The following ERICH3 variants were observed in gnomAD, a reference collection of about 807,000 sequenced individuals.
The protein encoded by ERICH3 is glutamate rich 3.
In ERICH3, 126 loss-of-function variants were observed where a neutral mutation model predicts 131.1. The ratio of observed to expected loss-of-function variants is 0.96; its 90% CI spans 0.83 to 1.11. The LOEUF (loss-of-function observed/expected upper bound fraction) is 1.11. Ranked by LOEUF, ERICH3 falls within the 50% of genes most tolerant of loss-of-function variation. The pLI is 0.00. For synonymous variants in ERICH3, 695 were observed against 644.6 expected, an observed-to-expected ratio of 1.08 and a Z score of -1.18; for missense variants, 2,050 against 1,810.7, an observed-to-expected ratio of 1.13 and a Z score of -2.40.
At chr1:74,584,807 C>T (rs960671340) in intron 12 of ERICH3, among the ~76,000 whole-genome samples, 9 of 152,168 alleles carry the variant, frequency 5.9e-5, no homozygotes, top group Admixed American at 4.6e-4. Context: ...AGCAGATCCT[C>T]AGCAAATATT....
At chr1:74,606,987 T>G in intron 9 of ERICH3, 85 bp from the exon 10 acceptor site, 7 of 1,244,150 alleles carry the variant, frequency 5.6e-6, no homozygotes, top group African/African-American at 3.0e-5. Context: ...CACTTATCTC[T>G]TATTCCAGTA....
At chr1:74,610,692 C>T (rs966687917) in intron 9 of ERICH3, among the ~76,000 whole-genome samples, 1 of 151,876 alleles carries the variant, frequency 6.6e-6, no homozygotes, top group Non-Finnish European at 1.5e-5. Flanking sequence ...TATAGCAAAA[C>T]TCTTTTAAAA....
At chr1:74,640,838 T>G (rs902626006) in intron 5 of ERICH3, among the ~76,000 whole-genome samples, 1 of 152,028 alleles carries the variant, frequency 6.6e-6, no homozygotes, top group Admixed American at 6.6e-5. Flanking sequence ...ATGGTACCAT[T>G]GAATATGTAG....
chr1:74,618,517 G>GA (rs1184507115), intron 8 of ERICH3, among the ~76,000 whole-genome samples: 4 of 152,080 alleles, frequency 2.6e-5, no homozygotes, highest in Admixed American at 6.6e-5. Flanking sequence ...AAGAAAGCCA[G>GA]AAAAAAATTG....
chr1:74,570,963 G>A (rs1215239490), intron 14 of ERICH3, 136 bp downstream of exon 14: 13 of 1,208,842 alleles, frequency 1.1e-5, no homozygotes, highest in African/African-American at 4.6e-5. Flanking sequence ...CAGGCTTAGG[G>A]CTAAGTGACA....
intron 9 of ERICH3, among the ~76,000 whole-genome samples, chr1:74,608,011 G>A (rs1372137319): frequency 6.6e-6 from 1 of 151,824 alleles, no homozygotes; most frequent in Non-Finnish European, 1.5e-5. Flanking sequence ...GGCTTAAAAG[G>A]TTCTAGCAGC....
chr1:74,590,238 A>C (rs1018906184), intron 11 of ERICH3, among the ~76,000 whole-genome samples, 158 bp from the exon 12 acceptor site: 11 of 152,268 alleles, frequency 7.2e-5, no homozygotes, highest in African/African-American at 2.6e-4. Flanking sequence ...GTGGTCCCCA[A>C]TCTTTTTTAT....
intron 9 of ERICH3, among the ~76,000 whole-genome samples, chr1:74,611,034 C>T (rs905197060): frequency 6.6e-6 from 1 of 152,124 alleles, no homozygotes; most frequent in African/African-American, 2.4e-5. Flanking sequence ...ATCACTCAGA[C>T]ATCTTCTCTA....
rs190680406 is a variant in ERICH3 at position 74,571,938 on chromosome 1, C to T, written c.3772G>A (p.Ala1258Thr). The T allele has an allele frequency of 2.8e-5, 45 of 1,613,532 alleles. No homozygotes were observed. The East Asian group carries it at 9.1e-4, about 33-fold the overall frequency. ...ACATCCACTCCTCCTTGCCCTTCAG[C>T]TCTCCCCTCCAGTCCTGCGCAGGAG... The part of the protein sequence containing the change: ...HDSCAGLEGR[A>T]EGQGGVDVVL... Residue 1258 changes from alanine to threonine, a missense_variant, in exon 14 of 15, where the codon GCT becomes ACT. Coordinates refer to ENST00000326665, the MANE Select transcript of ERICH3 (RefSeq NM_001002912.5).
chr1:74,659,405 C>A (rs1646619063), intron 1 of ERICH3, among the ~76,000 whole-genome samples: 1 of 152,224 alleles, frequency 6.6e-6, no homozygotes, highest in African/African-American at 2.4e-5. Context: ...AGATGACACC[C>A]ACTGTCTTTT....
At chr1:74,629,661 C>A (rs756273468) in intron 7 of ERICH3, among the ~76,000 whole-genome samples, 2 of 152,148 alleles carry the variant, frequency 1.3e-5, no homozygotes, top group Non-Finnish European at 2.9e-5. Flanking sequence ...TAGGACCTCG[C>A]CAGATACCTT....
intron 12 of ERICH3, chr1:74,586,498 T>C: frequency 1.0e-6 from 1 of 984,142 alleles, no homozygotes; most frequent in Non-Finnish European, 1.2e-6. Flanking sequence ...TTCTTCTCTG[T>C]TCTGTAATGT....
chr1:74,613,307 T>C (rs368225306), intron 8 of ERICH3, among the ~76,000 whole-genome samples: 64 of 152,364 alleles, frequency 4.2e-4, no homozygotes, highest in Middle Eastern at 6.8e-3. Context: ...CCTTATTATC[T>C]TGTTATTTTT....
At chr1:74,641,236 G>A (rs1020855869) in intron 5 of ERICH3, 95 bp downstream of exon 5, 32 of 1,355,576 alleles carry the variant, frequency 2.4e-5, no homozygotes, top group African/African-American at 1.9e-4. Flanking sequence ...GCAGCATTAC[G>A]GAGTCATGCT....
At chr1:74,639,698 A>T (rs987233574) in intron 5 of ERICH3, among the ~76,000 whole-genome samples, 1 of 152,164 alleles carries the variant, frequency 6.6e-6, no homozygotes, top group Admixed American at 6.6e-5. Context: ...CATCGTTTTA[A>T]TGGGAGTGGT....
At chr1:74,658,434 C>T (rs912043670) in intron 1 of ERICH3, among the ~76,000 whole-genome samples, 2 of 152,118 alleles carry the variant, frequency 1.3e-5, no homozygotes, top group African/African-American at 4.8e-5. Context: ...ACCAAACAAA[C>T]CCTTGGCCAA....
At chr1:74,642,982 A>G in intron 4 of ERICH3, 45 bp downstream of exon 4, 1 of 1,396,702 alleles carries the variant, frequency 7.2e-7, no homozygotes, top group African/African-American at 1.5e-5. Flanking sequence ...TTTTAAAATC[A>G]TAAAATAATA....
intron 5 of ERICH3, among the ~76,000 whole-genome samples, chr1:74,639,691 C>T (rs764764687): frequency 5.3e-5 from 8 of 152,024 alleles, no homozygotes; most frequent in Non-Finnish European, 1.2e-4. Context: ...GATTTTCCAT[C>T]GTTTTAATGG....
intron 1 of ERICH3, among the ~76,000 whole-genome samples, chr1:74,666,853 C>A (rs113113030): frequency 1.8e-4 from 28 of 152,280 alleles, no homozygotes; most frequent in African/African-American, 6.5e-4. Context: ...GTTCAATGTA[C>A]TATTCAGCAA....
Sources: allele counts gnomAD v4.1 joint callset (sites outside exome capture counted in the v4.1 genomes callset), GRCh38; gene constraint gnomAD v4.1.1; transcripts MANE v1.5; gene names NCBI Gene and HGNC (gene_info 2026-07-23, HGNC 2026-07-21).